Variants in IBTK observed in about 807,000 individuals in gnomAD.
IBTK encodes inhibitor of Bruton tyrosine kinase, also known as BTK-binding protein.
A neutral mutation model predicts 154.9 loss-of-function variants in IBTK; 83 were observed. That is an observed-to-expected ratio of 0.54 (90% CI 0.45 to 0.64). The LOEUF is 0.64. Among genes scored for constraint, IBTK ranks in the 30% least tolerant of loss-of-function variants. IBTK has a pLI of 0.00. For synonymous variants in IBTK, 515 were observed against 536.1 expected, an observed-to-expected ratio of 0.96 and a Z score of 0.54; for missense variants, 1,332 against 1,584.6, an observed-to-expected ratio of 0.84 and a Z score of 2.71.
At chr6:82,180,074 C>CA in intron 26 of IBTK, among the ~76,000 whole-genome samples, 1 of 14,158 alleles carries the variant, frequency 7.1e-5, no homozygotes, top group South Asian at 2.2e-3. Flanking sequence ...TAGTACTTAG[C>CA]ATAATGTTTG....
At chr6:82,232,153 C>G (rs1003109139) in intron 3 of IBTK, among the ~76,000 whole-genome samples, 16 of 151,956 alleles carry the variant, frequency 1.1e-4, no homozygotes, top group Admixed American at 5.9e-4. Flanking sequence ...CCTCGGCCCC[C>G]CAAAGTGCTA....
At chr6:82,174,958 T>C (rs552117526) in intron 26 of IBTK, 64 of 456,164 alleles carry the variant, frequency 1.4e-4, no homozygotes, top group Middle Eastern at 9.8e-4. Flanking sequence ...CTTCTCACTC[T>C]TTTACAGTTG....
chr6:82,197,003 G>A (rs528228264), intron 21 of IBTK, among the ~76,000 whole-genome samples: 1 of 152,276 alleles, frequency 6.6e-6, no homozygotes, highest in African/African-American at 2.4e-5. Context: ...TGGCTATTGA[G>A]AGCTCGCTTG....
At chr6:82,180,760 G>A (rs920782175) in intron 26 of IBTK, among the ~76,000 whole-genome samples, 1 of 152,156 alleles carries the variant, frequency 6.6e-6, no homozygotes, top group African/African-American at 2.4e-5. Flanking sequence ...TAAATCAGGA[G>A]TTTCCAAACA....
rs1250664470 is a variant in IBTK at position 82,201,491 on chromosome 6, T to C, written c.2730-9A>G. On this transcript the variant is annotated splice_polypyrimidine_tract_variant and intron_variant, in intron 18 of 28. Transcript: ENST00000306270. ...TTAAAACATCAAGAGACCTAAAATATAGGATACAAAATTCTATCTTAAGAT... is the reference window on the plus strand; with the variant it reads ...TTAAAACATCAAGAGACCTAAAATACAGGATACAAAATTCTATCTTAAGAT... 5.7e-6 allele frequency: 9 copies of C among 1,584,628 alleles called. No homozygotes were observed. The highest frequency in any genetic ancestry group is 1.1e-5 in the South Asian group (1 of 88,194).
At chr6:82,197,515 A>G (rs1562082297) in intron 21 of IBTK, among the ~76,000 whole-genome samples, 2 of 151,926 alleles carry the variant, frequency 1.3e-5, no homozygotes, top group African/African-American at 2.4e-5. Context: ...GATTACAGGC[A>G]TGCACCACCA....
intron 27 of IBTK, 103 bp downstream of exon 27, chr6:82,173,264 A>C (rs1361149177): frequency 1.4e-6 from 1 of 732,954 alleles, no homozygotes; most frequent in Non-Finnish European, 2.3e-6. Context: ...AGTCTCCCAG[A>C]GTGCTGGGAT....
At chr6:82,188,831 A>G (rs573376718) in intron 25 of IBTK, among the ~76,000 whole-genome samples, 22 of 152,254 alleles carry the variant, frequency 1.4e-4, no homozygotes, top group African/African-American at 5.3e-4. Context: ...GGAGTTCGAG[A>G]CCAGCCTTGC....
intron 16 of IBTK, among the ~76,000 whole-genome samples, chr6:82,209,170 C>T (rs4706943): frequency 0.24 from 36,262 of 151,982 alleles, 4,386 homozygotes; most frequent in African/African-American, 0.28. Context: ...CTGTGCAGTT[C>T]GGCAGTTCCT....
At chr6:82,235,952 C>G (rs1053320868) in intron 2 of IBTK, among the ~76,000 whole-genome samples, 1 of 152,170 alleles carries the variant, frequency 6.6e-6, no homozygotes, top group African/African-American at 2.4e-5. Context: ...CGGCTCACTG[C>G]AACCTCCATC....
At chr6:82,245,630 T>C (rs1771113954) in intron 1 of IBTK, among the ~76,000 whole-genome samples, 1 of 151,992 alleles carries the variant, frequency 6.6e-6, no homozygotes, top group African/African-American at 2.4e-5. Flanking sequence ...GAAGGGATAG[T>C]AAATATAAAA....
At chr6:82,209,192 C>G (rs1336539524) in intron 16 of IBTK, among the ~76,000 whole-genome samples, 1 of 152,136 alleles carries the variant, frequency 6.6e-6, no homozygotes, top group African/African-American at 2.4e-5. Flanking sequence ...AAAAATTAAA[C>G]AGATGACCCA....
At chr6:82,172,805 G>GA in intron 27 of IBTK, 1 of 289,462 alleles carries the variant, frequency 3.5e-6, no homozygotes, top group South Asian at 6.3e-5. Context: ...GTGAGAAACA[G>GA]AAAAACAGAA....
chr6:82,220,196 C>A (rs1056694037), intron 9 of IBTK, among the ~76,000 whole-genome samples: 1 of 151,904 alleles, frequency 6.6e-6, no homozygotes, highest in Non-Finnish European at 1.5e-5. Flanking sequence ...GCCAATAGAG[C>A]GAGACTGTCT....
At chr6:82,221,221 G>A (rs1221781191) in intron 8 of IBTK, among the ~76,000 whole-genome samples, 7 of 152,150 alleles carry the variant, frequency 4.6e-5, no homozygotes, top group Non-Finnish European at 1.0e-4. Flanking sequence ...CTACTCGGGA[G>A]GGTGAGGGAG....
At chr6:82,229,408 CTT>C (rs1318982444) in intron 4 of IBTK, among the ~76,000 whole-genome samples, 5 of 152,088 alleles carry the variant, frequency 3.3e-5, no homozygotes, top group African/African-American at 7.2e-5. Flanking sequence ...TTCCCTCACT[CTT>C]GTCTTTAAAA....
chr6:82,234,312 T>G (rs764831615), intron 2 of IBTK, 57 bp from the exon 3 acceptor site: 3 of 589,462 alleles, frequency 5.1e-6, no homozygotes, highest in Non-Finnish European at 7.5e-6. Flanking sequence ...ATTACCTATA[T>G]CATCAGTAAC....
At chr6:82,188,709 A>T (rs1768644366) in intron 25 of IBTK, among the ~76,000 whole-genome samples, 1 of 152,206 alleles carries the variant, frequency 6.6e-6, no homozygotes. Flanking sequence ...AATGTTCCAG[A>T]AAGTAGAATT....
In IBTK at chr6:82,210,890, C is replaced by A; in HGVS notation, c.2433G>T (p.Leu811=). Residue 811 remains leucine, a synonymous_variant, in exon 16 of 29, where the codon CTG becomes CTT. Transcript: ENST00000306270. ...ATATATCAGAATGTATTGGCATTTCCAGAGCTGCACAACTGGAAGCCTAAA... is the reference window on the plus strand; with the variant it reads ...ATATATCAGAATGTATTGGCATTTCAAGAGCTGCACAACTGGAAGCCTAAA... ...SWIEASSCAA[L]EMPIHSDILK... is the part of the protein sequence containing the mutation. 6.4e-7 allele frequency: 1 copy of A among 1,565,666 alleles called. No individual in the cohort carries two copies. Among genetic ancestry groups the A allele is most frequent in the Non-Finnish European group, 8.7e-7 (1 of 1,155,098 alleles).
Sources: gnomAD v4.1 joint callset for allele counts (sites outside exome capture counted in the v4.1 genomes callset) on GRCh38, gnomAD v4.1.1 for gene constraint, MANE v1.5 for transcripts, NCBI Gene and HGNC (gene_info 2026-07-23, HGNC 2026-07-21) for gene names.